The following NBEA variants were observed in gnomAD, a reference collection of about 807,000 sequenced individuals.
NBEA encodes the protein neurobeachin.
A neutral mutation model predicts 343.4 loss-of-function variants in NBEA; 44 were observed. That is an observed-to-expected ratio of 0.13 (90% CI 0.10 to 0.16). The LOEUF (loss-of-function observed/expected upper bound fraction) is 0.16. Ranked by LOEUF, NBEA falls within the 10% of genes least tolerant of loss-of-function variation. NBEA has a pLI of 1.00. For synonymous variants in NBEA, 1,175 were observed against 1,238.7 expected (o/e 0.95, Z 1.08); for missense variants, 2,555 against 3,631.3 (o/e 0.70, Z 7.62).
At chr13:35,242,155 G>A (rs2030412532) in intron 34 of NBEA, among the ~76,000 whole-genome samples, 1 of 151,626 alleles carries the variant, frequency 6.6e-6, no homozygotes, top group Admixed American at 6.6e-5. Flanking sequence ...AAGGTAGCAG[G>A]GACTGTCAAC....
At chr13:35,506,874 T>C (rs2077091194) in intron 41 of NBEA, among the ~76,000 whole-genome samples, 1 of 152,132 alleles carries the variant, frequency 6.6e-6, no homozygotes, top group Non-Finnish European at 1.5e-5. Context: ...GGTCTAATTC[T>C]ACATTATAGG....
chr13:35,299,671 G>A (rs1473435264), intron 35 of NBEA, among the ~76,000 whole-genome samples: 1 of 152,146 alleles, frequency 6.6e-6, no homozygotes, highest in Non-Finnish European at 1.5e-5. Context: ...TTGTCCCCAT[G>A]AAAATAAAAG....
intron 1 of NBEA, among the ~76,000 whole-genome samples, chr13:34,943,391 A>G (rs1390854478): frequency 6.6e-6 from 1 of 151,968 alleles, no homozygotes; most frequent in Non-Finnish European, 1.5e-5. Context: ...CGAGTAACCC[A>G]GTACCCGCGG....
chr13:35,363,105 A>G (rs1305490297), intron 38 of NBEA, among the ~76,000 whole-genome samples: 1 of 151,952 alleles, frequency 6.6e-6, no homozygotes, highest in East Asian at 1.9e-4. Flanking sequence ...TAAGGCGTTT[A>G]TTTAAATCCA....
At chr13:35,475,933 A>T in intron 41 of NBEA, 1 of 1,614,090 alleles carries the variant, frequency 6.2e-7, no homozygotes, top group Non-Finnish European at 8.5e-7. Flanking sequence ...GGTGGGGGAG[A>T]TGACCTCGAG....
chr13:34,975,492 A>T (rs1056925734), intron 1 of NBEA, among the ~76,000 whole-genome samples: 7 of 152,306 alleles, frequency 4.6e-5, no homozygotes, highest in African/African-American at 1.7e-4. Context: ...AGAAGATAAC[A>T]TTGGAAAAAC....
At chr13:35,429,414 T>G (rs116901900) in intron 38 of NBEA, among the ~76,000 whole-genome samples, 4,562 of 152,126 alleles carry the variant, frequency 0.03, 104 homozygotes, top group Non-Finnish European at 0.045. Context: ...AAACTGCTGT[T>G]TTTTTTTGAT....
intron 47 of NBEA, among the ~76,000 whole-genome samples, chr13:35,602,516 A>G (rs920766661): frequency 2.0e-5 from 3 of 152,208 alleles, no homozygotes; most frequent in African/African-American, 7.2e-5. Flanking sequence ...GGGGCTCTGC[A>G]AACAAGCTGT....
At chr13:35,608,021 A>G (rs936163515) in intron 48 of NBEA, among the ~76,000 whole-genome samples, 13 of 152,110 alleles carry the variant, frequency 8.5e-5, no homozygotes, top group Non-Finnish European at 1.5e-4. Flanking sequence ...ATTTTCTGTC[A>G]CTTTTCTTTT....
chr13:35,320,752 C>G (rs147542971), intron 36 of NBEA, among the ~76,000 whole-genome samples: 4,532 of 152,248 alleles, frequency 0.03, 101 homozygotes, highest in Non-Finnish European at 0.045. Flanking sequence ...TAGGTTTGGT[C>G]TTTTCACATG....
intron 38 of NBEA, among the ~76,000 whole-genome samples, chr13:35,373,314 C>CA (rs2041551407): frequency 6.6e-6 from 1 of 152,120 alleles, no homozygotes; most frequent in Admixed American, 6.6e-5. Context: ...TGCCTCTAGT[C>CA]AGCCATGTTA....
chr13:35,209,492 C>T (rs188911075), intron 32 of NBEA, among the ~76,000 whole-genome samples: 1 of 152,104 alleles, frequency 6.6e-6, no homozygotes, highest in African/African-American at 2.4e-5. Flanking sequence ...TAAAAGTCTG[C>T]CTAAAATAAC....
intron 48 of NBEA, among the ~76,000 whole-genome samples, chr13:35,623,110 A>G (rs1011217116): frequency 7.2e-5 from 11 of 152,180 alleles, no homozygotes; most frequent in Admixed American, 3.9e-4. Flanking sequence ...CTGCCTTTAG[A>G]TATGCAAGTA....
chr13:35,046,768 C>T (rs777159885), intron 4 of NBEA, among the ~76,000 whole-genome samples: 2 of 152,194 alleles, frequency 1.3e-5, no homozygotes, highest in Non-Finnish European at 2.9e-5. Flanking sequence ...ACTGTACTCA[C>T]CTGTTTTTGG....
intron 13 of NBEA, among the ~76,000 whole-genome samples, chr13:35,116,913 A>G (rs1294498558): frequency 6.6e-6 from 1 of 152,056 alleles, no homozygotes; most frequent in African/African-American, 2.4e-5. Flanking sequence ...CCACTATAAT[A>G]TGTATTTTCT....
intron 38 of NBEA, among the ~76,000 whole-genome samples, chr13:35,363,838 A>G (rs1430042959): frequency 1.3e-5 from 2 of 151,924 alleles, no homozygotes; most frequent in African/African-American, 4.8e-5. Flanking sequence ...TGTTCTAATG[A>G]ACAGAAAACA....
chr13:35,668,082 T>C (rs1159781052), intron 57 of NBEA, among the ~76,000 whole-genome samples: 2 of 152,226 alleles, frequency 1.3e-5, no homozygotes, highest in Admixed American at 1.3e-4. Flanking sequence ...AATGCTCAAA[T>C]TCTTCCTGGA....
At chr13:35,105,204 C>T (rs1231967025) in intron 11 of NBEA, among the ~76,000 whole-genome samples, 3 of 151,902 alleles carry the variant, frequency 2.0e-5, no homozygotes, top group Non-Finnish European at 4.4e-5. Context: ...AAAATATATA[C>T]CCAACTTCAT....
At chr13:35,484,864 A>C (rs373104988) in intron 41 of NBEA, among the ~76,000 whole-genome samples, 1 of 152,114 alleles carries the variant, frequency 6.6e-6, no homozygotes, top group East Asian at 1.9e-4. Context: ...GTTTCCAAGC[A>C]TTGATGACTT....
Sources: gnomAD v4.1 joint callset for allele counts (sites outside exome capture counted in the v4.1 genomes callset) on GRCh38, gnomAD v4.1.1 for gene constraint, MANE v1.5 for transcripts, NCBI Gene and HGNC (gene_info 2026-07-23, HGNC 2026-07-21) for gene names.